CNTNAP2: variants seen among roughly 807,000 people sequenced by gnomAD.
The protein encoded by CNTNAP2 is contactin-associated protein-like 2.
In CNTNAP2, 98 loss-of-function variants were observed where a neutral mutation model predicts 155.2. That is an observed-to-expected ratio of 0.63 (90% CI 0.54 to 0.75). CNTNAP2 has a LOEUF of 0.75. Ranked by LOEUF, CNTNAP2 falls within the 30% of genes least tolerant of loss-of-function variation. The pLI, the probability that CNTNAP2 is intolerant of heterozygous loss-of-function variation, is 0.00. For synonymous variants in CNTNAP2, 651 were observed against 631.2 expected (o/e 1.03, Z -0.47); for missense variants, 1,727 against 1,688.1 (o/e 1.02, Z -0.40).
At chr7:147,091,456 T>G (rs1800401722) in intron 4 of CNTNAP2, among the ~76,000 whole-genome samples, 1 of 152,208 alleles carries the variant, frequency 6.6e-6, no homozygotes, top group South Asian at 2.1e-4. Context: ...TACTTTTTTC[T>G]TTTTTCTTTT....
intron 21 of CNTNAP2, among the ~76,000 whole-genome samples, chr7:148,349,941 C>T (rs1798398594): frequency 6.6e-6 from 1 of 152,122 alleles, no homozygotes. Flanking sequence ...GCGAGAGGGC[C>T]TCACAGGCCA....
chr7:146,360,757 G>A (rs988308477), intron 1 of CNTNAP2, among the ~76,000 whole-genome samples: 3 of 152,180 alleles, frequency 2.0e-5, no homozygotes, highest in Non-Finnish European at 2.9e-5. Context: ...ACTGTGTTTC[G>A]ACTGCAATAA....
chr7:148,371,738 CA>C (rs1217482517), intron 21 of CNTNAP2, among the ~76,000 whole-genome samples: 1 of 152,190 alleles, frequency 6.6e-6, no homozygotes, highest in Non-Finnish European at 1.5e-5. Flanking sequence ...TGCACTTACA[CA>C]AACCCAGAAG....
At chr7:148,253,047 TAGACA>T (rs1201697767) in intron 20 of CNTNAP2, among the ~76,000 whole-genome samples, 55 of 125,680 alleles carry the variant, frequency 4.4e-4, no homozygotes, top group African/African-American at 4.3e-4. Flanking sequence ...GATAGATAGA[TAGACA>T]GATGATAGAT....
intron 3 of CNTNAP2, among the ~76,000 whole-genome samples, chr7:146,863,980 AGTT>A (rs1306945579): frequency 6.6e-6 from 1 of 152,076 alleles, no homozygotes; most frequent in Non-Finnish European, 1.5e-5. Flanking sequence ...TTAAAGGTAT[AGTT>A]GTTTTCTTCT....
intron 1 of CNTNAP2, among the ~76,000 whole-genome samples, chr7:146,225,978 A>AT (rs1319221058): frequency 6.6e-6 from 1 of 152,158 alleles, no homozygotes; most frequent in Non-Finnish European, 1.5e-5. Flanking sequence ...AATCTATCCC[A>AT]TCACTTAGGA....
chr7:147,949,440 G>GTATATATATATATATATATA (rs57422437), intron 14 of CNTNAP2, among the ~76,000 whole-genome samples: 1,816 of 126,944 alleles, frequency 0.014, 43 homozygotes, highest in South Asian at 0.026. Flanking sequence ...TCAACTGTGT[G>GTATATATATATATATATATA]TATATATATA....
At chr7:147,192,677 G>T (rs188448904) in intron 8 of CNTNAP2, among the ~76,000 whole-genome samples, 2 of 151,868 alleles carry the variant, frequency 1.3e-5, no homozygotes, top group African/African-American at 4.8e-5. Flanking sequence ...CTTCTTCCCT[G>T]AACTGTCAAA....
rs568706599 is a variant in CNTNAP2, at chr7:147,896,380, A to C, written c.2099-7185A>C. Among the ~76,000 whole-genome samples the C allele has an allele frequency of 8.5e-5, 13 of 152,274 alleles. No homozygotes were observed. The South Asian group carries it at 2.7e-3, about 32-fold the overall frequency. The stretch of plus-strand genomic sequence containing the variant: ...CCCGCTGCCTAGACAGAGTCGATTC[A>C]TCAAGACAGGGGAGTTGCAATAGAG... On this transcript the variant is annotated intron_variant, in intron 13 of 23. Transcript: ENST00000361727.
At chr7:148,061,976 TAGATAG>T (rs1803156673) in intron 15 of CNTNAP2, among the ~76,000 whole-genome samples, 6 of 123,696 alleles carry the variant, frequency 4.9e-5, no homozygotes, top group Non-Finnish European at 1.0e-4. Context: ...GATAGATAGA[TAGATAG>T]ATAGATAGAT....
At chr7:147,021,427 T>G (rs1165240595) in intron 3 of CNTNAP2, among the ~76,000 whole-genome samples, 1 of 152,204 alleles carries the variant, frequency 6.6e-6, no homozygotes, top group Non-Finnish European at 1.5e-5. Flanking sequence ...TGTTTTGTTT[T>G]TTAGCCAGTT....
In CNTNAP2 at chr7:147,583,531, T is replaced by TATATATATATATAA. The variant is rs1280154794; in HGVS notation, c.1897+21275_1897+21276insTATATATATATAAA. On this transcript the variant is annotated intron_variant, in intron 12 of 23. Transcript: ENST00000361727. The stretch of plus-strand genomic sequence containing the variant: ...ATATATATATATATATATATATATA[T>TATATATATATATAA]AATGTCAAACAGATTAAAATTAGTT... Among the ~76,000 whole-genome samples, 230 of 140,576 alleles carry TATATATATATATAA rather than the reference T, an allele frequency of 1.6e-3. 2 individuals are homozygous for TATATATATATATAA. The highest frequency in any genetic ancestry group is 5.3e-3 in the African/African-American group (200 of 37,850). 92.2% of individuals were successfully genotyped at this position (140,576 alleles called of 152,430 possible).
intron 19 of CNTNAP2, among the ~76,000 whole-genome samples, chr7:148,228,754 G>A (rs1795904336): frequency 6.6e-6 from 1 of 151,474 alleles, no homozygotes; most frequent in Non-Finnish European, 1.5e-5. Flanking sequence ...CGTGAACCCG[G>A]GAGGCGGAGC....
intron 3 of CNTNAP2, among the ~76,000 whole-genome samples, chr7:146,916,390 A>C (rs554606708): frequency 1.3e-5 from 2 of 151,942 alleles, no homozygotes; most frequent in Non-Finnish European, 2.9e-5. Context: ...AATATTGTCA[A>C]TAAGATTGGT....
At chr7:147,089,578 C>A (rs1800354898) in intron 4 of CNTNAP2, among the ~76,000 whole-genome samples, 1 of 152,100 alleles carries the variant, frequency 6.6e-6, no homozygotes, top group African/African-American at 2.4e-5. Context: ...CAACTTTAGT[C>A]ATGAAATACA....
chr7:147,848,520 C>G (rs1354113732), intron 13 of CNTNAP2, among the ~76,000 whole-genome samples: 3 of 137,594 alleles, frequency 2.2e-5, no homozygotes, highest in Admixed American at 1.5e-4. Flanking sequence ...GAGATGAACC[C>G]GGTACCTCAG....
chr7:146,237,437 T>C (rs1295492442), intron 1 of CNTNAP2, among the ~76,000 whole-genome samples: 1 of 152,184 alleles, frequency 6.6e-6, no homozygotes. Context: ...TTAGAAAAAA[T>C]AATGAGATCT....
intron 8 of CNTNAP2, among the ~76,000 whole-genome samples, chr7:147,270,956 G>C (rs1021718435): frequency 4.6e-5 from 7 of 152,034 alleles, no homozygotes; most frequent in Non-Finnish European, 1.0e-4. Flanking sequence ...CTTCCCCCTA[G>C]GAAGCCCCCA....
At chr7:147,772,661 T>C (rs1162665235) in intron 13 of CNTNAP2, among the ~76,000 whole-genome samples, 3 of 151,758 alleles carry the variant, frequency 2.0e-5, no homozygotes, top group African/African-American at 7.2e-5. Context: ...TCTGACACCA[T>C]TGCCTTCTTT....
Sources: gnomAD v4.1 joint callset for allele counts (sites outside exome capture counted in the v4.1 genomes callset) on GRCh38, gnomAD v4.1.1 for gene constraint, MANE v1.5 for transcripts, NCBI Gene and HGNC (gene_info 2026-07-23, HGNC 2026-07-21) for gene names.